The following GALNT18 variants were observed in gnomAD, a reference collection of about 807,000 sequenced individuals.
GALNT18 encodes the protein GalNAc-transferase 18.
GALNT18 carries 44 observed loss-of-function variants against 69.5 expected under a neutral mutation model. The ratio of observed to expected loss-of-function variants is 0.63; its 90% CI spans 0.50 to 0.81. The LOEUF (loss-of-function observed/expected upper bound fraction) is 0.81. Among genes scored for constraint, GALNT18 ranks in the 40% least tolerant of loss-of-function variants. The pLI is 0.00. For synonymous variants in GALNT18, 364 were observed against 318.2 expected (o/e 1.14, Z -1.53); for missense variants, 715 against 810.0 (o/e 0.88, Z 1.42).
At chr11:11,288,291 CCTA>C (rs1375665650) in intron 10 of GALNT18, among the ~76,000 whole-genome samples, 3 of 152,184 alleles carry the variant, frequency 2.0e-5, no homozygotes, top group African/African-American at 7.2e-5. Flanking sequence ...ACAATGGATT[CCTA>C]CTACTAAAAT....
intron 6 of GALNT18, among the ~76,000 whole-genome samples, chr11:11,371,671 G>A (rs1850909645): frequency 6.6e-6 from 1 of 152,080 alleles, no homozygotes; most frequent in African/African-American, 2.4e-5. Flanking sequence ...CTAATACTGG[G>A]TCTGCCAAGG....
At chr11:11,368,832 C>T (rs1850831707) in intron 6 of GALNT18, among the ~76,000 whole-genome samples, 1 of 152,120 alleles carries the variant, frequency 6.6e-6, no homozygotes, top group Non-Finnish European at 1.5e-5. Context: ...GTCAGGTTTG[C>T]CTGTCCGCTG....
intron 6 of GALNT18, chr11:11,352,632 A>G: frequency 6.2e-7 from 1 of 1,614,200 alleles, no homozygotes; most frequent in South Asian, 1.1e-5. Context: ...ATGATCAATC[A>G]TGACATTATG....
chr11:11,588,459 G>A (rs1438628068), intron 1 of GALNT18, among the ~76,000 whole-genome samples: 1 of 152,202 alleles, frequency 6.6e-6, no homozygotes, highest in African/African-American at 2.4e-5. Flanking sequence ...CTTGATTCCT[G>A]TGAAGCGAGT....
At chr11:11,502,821 A>T (rs959360419) in intron 1 of GALNT18, among the ~76,000 whole-genome samples, 1 of 152,176 alleles carries the variant, frequency 6.6e-6, no homozygotes, top group African/African-American at 2.4e-5. Context: ...AGATAAATTC[A>T]CGGCTGAATT....
At chr11:11,376,137 C>A (rs549337624) in intron 5 of GALNT18, among the ~76,000 whole-genome samples, 1 of 152,280 alleles carries the variant, frequency 6.6e-6, no homozygotes, top group African/African-American at 2.4e-5. Context: ...AATCCCAGCA[C>A]TTTGGGAGGC....
intron 9 of GALNT18, among the ~76,000 whole-genome samples, chr11:11,317,195 C>T (rs1433717586): frequency 6.6e-6 from 1 of 152,244 alleles, no homozygotes; most frequent in African/African-American, 2.4e-5. Flanking sequence ...TAGTTACCCT[C>T]TGCTTTCTCC....
intron 1 of GALNT18, among the ~76,000 whole-genome samples, chr11:11,466,813 C>T (rs1237729784): frequency 6.6e-6 from 1 of 152,042 alleles, no homozygotes; most frequent in African/African-American, 2.4e-5. Context: ...CAGGAATGAG[C>T]GGGAAGCAAG....
At chr11:11,303,781 G>A (rs1204553699) in intron 9 of GALNT18, among the ~76,000 whole-genome samples, 1 of 152,226 alleles carries the variant, frequency 6.6e-6, no homozygotes, top group African/African-American at 2.4e-5. Context: ...CTGTTTATGG[G>A]ACACCATCAC....
Position 11,498,945 on chromosome 11 carries a change from C to T in GALNT18, c.236-50009G>A, listed in dbSNP as rs189100845. Among the ~76,000 whole-genome samples the T allele has an allele frequency of 1.8e-3, 279 of 152,316 alleles. 2 individuals carry two copies. The highest frequency in any genetic ancestry group is 6.3e-3 in the African/African-American group (262 of 41,554). On this transcript the variant is annotated intron_variant, in intron 1 of 10. Transcript: ENST00000227756. ...AGATTGTTATATTCTTAACACTTTCCTATGTCTTTCAAATTTTGACAATGT... is the reference window on the plus strand; with the variant it reads ...AGATTGTTATATTCTTAACACTTTCTTATGTCTTTCAAATTTTGACAATGT...
rs142056298 is a variant in GALNT18, at chr11:11,291,496, T to C, written c.1677+1533A>G. ...ACACATAGTAAGTACTGTATGAATG[T>C]TAGCTGTTATTCCTATTGGGATAGA... On this transcript the variant is annotated intron_variant, in intron 10 of 10. Coordinates refer to ENST00000227756, the MANE Select transcript of GALNT18 (RefSeq NM_198516.3). Among the ~76,000 whole-genome samples the C allele has an allele frequency of 4.2e-4, 64 of 151,608 alleles. 1 individual carries two copies. In the East Asian group the frequency reaches 9.8e-3, roughly 23 times the overall value.
chr11:11,297,024 T>C (rs1372284170), intron 9 of GALNT18, among the ~76,000 whole-genome samples: 1 of 152,118 alleles, frequency 6.6e-6, no homozygotes, highest in African/African-American at 2.4e-5. Context: ...AGGCAAAAAG[T>C]GACTTAGAAC....
chr11:11,490,355 T>G lies in GALNT18; in HGVS notation c.236-41419A>C, dbSNP rs932689836. Among the ~76,000 whole-genome samples, 6 of 152,044 alleles carry G rather than the reference T, an allele frequency of 3.9e-5. 1 individual carries two copies. Among genetic ancestry groups the G allele is most frequent in the Admixed American group, 3.3e-4 (5 of 15,256 alleles). On this transcript the variant is annotated intron_variant, in intron 1 of 10. Transcript: ENST00000227756. ...TTGGACTTCCCAGCCTTCAGAACTA[T>G]GAGCCAATAAATCTCTGTGCATTAT... is the stretch of plus-strand genomic sequence containing the variant.
At chr11:11,548,079 T>C (rs1858103375) in intron 1 of GALNT18, among the ~76,000 whole-genome samples, 1 of 152,240 alleles carries the variant, frequency 6.6e-6, no homozygotes, top group African/African-American at 2.4e-5. Flanking sequence ...TACCTCATGA[T>C]GCAAGATGCC....
In GALNT18 at chr11:11,293,051, T is replaced by C; in HGVS notation, c.1655A>G (p.Lys552Arg). The change falls in exon 10 of 11, where the codon AAG becomes AGG. Residue 552 changes from lysine to arginine, a missense_variant. Physicochemically the swap from Lys to Arg is conservative, Grantham distance 26. Transcript: ENST00000227756. ...ECSYAKAKRMKLHWQFSQGGP... is the reference protein window; with the variant it reads ...ECSYAKAKRMRLHWQFSQGGP... Reference sequence around the variant, plus strand: ...TACCTGAGAGAACTGCCAGTGAAGCTTCATCCTCTTGGCTTTGGCGTAGCT... The same window carrying C: ...TACCTGAGAGAACTGCCAGTGAAGCCTCATCCTCTTGGCTTTGGCGTAGCT... 1.4e-6 allele frequency: 2 copies of C among 1,388,634 alleles called. No homozygotes were observed. 86.0% of individuals were successfully genotyped at this position (1,388,634 alleles called of 1,614,324 possible). A position where few individuals can be genotyped will look rare whatever the true frequency, so the allele number is the denominator to read the frequency against.
intron 2 of GALNT18, among the ~76,000 whole-genome samples, chr11:11,446,788 C>G (rs1287858637): frequency 6.6e-6 from 1 of 152,224 alleles, no homozygotes; most frequent in African/African-American, 2.4e-5. Context: ...TATTGCTAAT[C>G]TGCTCAAGCC....
rs1040176582 is a variant in GALNT18 at position 11,590,688 on chromosome 11, A to G, written c.235+30671T>C. On this transcript the variant is annotated intron_variant, in intron 1 of 10. Coordinates refer to ENST00000227756, the MANE Select transcript of GALNT18 (RefSeq NM_198516.3). This position sits in a 1 kb window ranked among gnomAD's most constrained non-coding sequence, Gnocchi z 4.4. ...TCACCCACCGCATGACGTTCGCTCAATGACAGAACACATATACAATGGTGG... is the reference window on the plus strand; with the variant it reads ...TCACCCACCGCATGACGTTCGCTCAGTGACAGAACACATATACAATGGTGG... Among the ~76,000 whole-genome samples, 3 of 152,202 alleles carry G rather than the reference A, an allele frequency of 2.0e-5. No individual in the cohort carries two copies. The East Asian group carries it at 5.8e-4, about 29-fold the overall frequency.
Position 11,601,895 on chromosome 11 carries a change from C to A in GALNT18, c.235+19464G>T, listed in dbSNP as rs1859643283. ...GCTTAAAGTCACAATTTCTAAGAAC[C>A]TATCAACAGCATTACTGTGTTGATA... On this transcript the variant is annotated intron_variant, in intron 1 of 10. Coordinates refer to ENST00000227756, the MANE Select transcript of GALNT18 (RefSeq NM_198516.3). The surrounding 1 kb of genome is among the most constrained non-coding windows in gnomAD (Gnocchi z 4.0). 1.3e-5 allele frequency among the ~76,000 whole-genome samples: 2 copies of A among 152,132 alleles called. No individual in the cohort carries two copies. Among genetic ancestry groups the A allele is most frequent in the Admixed American group, 1.3e-4 (2 of 15,268 alleles).
chr11:11,315,872 ACCAT>A lies in GALNT18; in HGVS notation c.1512+11210_1512+11213del, dbSNP rs1401238679. On this transcript the variant is annotated intron_variant, in intron 9 of 10. Transcript: ENST00000227756. This position sits in a 1 kb window ranked among gnomAD's most constrained non-coding sequence, Gnocchi z 5.6. ...CCACTACCCTGCACCCCCTCAAACA[ACCAT>A]CCTGCACCGAGAAACTGAACGTGTG... is the stretch of plus-strand genomic sequence containing the variant. Among the ~76,000 whole-genome samples the A allele has an allele frequency of 6.6e-6, 1 of 151,758 alleles. No homozygotes were observed. Among genetic ancestry groups the A allele is most frequent in the African/African-American group, 2.4e-5 (1 of 41,284 alleles).
Sources: gnomAD v4.1 joint callset for allele counts (sites outside exome capture counted in the v4.1 genomes callset) on GRCh38, gnomAD v4.1.1 for gene constraint, Gnocchi (gnomAD v3.1) non-coding constraint, MANE v1.5 for transcripts, NCBI Gene and HGNC (gene_info 2026-07-23, HGNC 2026-07-21) for gene names.